Variants in TRAPPC9 observed in about 807,000 individuals in gnomAD.
TRAPPC9 encodes the protein trafficking protein particle complex subunit 9.
TRAPPC9 carries 83 observed loss-of-function variants against 124.0 expected under a neutral mutation model. That is an observed-to-expected ratio of 0.67 (90% CI 0.56 to 0.80). The LOEUF is 0.80. Ranked by LOEUF, TRAPPC9 falls within the 30% of genes least tolerant of loss-of-function variation. The pLI is 0.00. For synonymous variants in TRAPPC9, 638 were observed against 617.5 expected (o/e 1.03, Z -0.49); for missense variants, 1,302 against 1,508.3 (o/e 0.86, Z 2.27).
At chr8:140,027,304 T>A (rs1452582709) in intron 17 of TRAPPC9, among the ~76,000 whole-genome samples, 1 of 152,220 alleles carries the variant, frequency 6.6e-6, no homozygotes, top group South Asian at 2.1e-4. Flanking sequence ...ATACACAGCA[T>A]CTTTCTCAAA....
chr8:140,039,695 C>G (rs1841139803), intron 17 of TRAPPC9: 1 of 152,214 alleles, frequency 6.6e-6, no homozygotes, highest in South Asian at 2.1e-4. Context: ...CTCTCCAGCC[C>G]ACTCTGCTCA....
chr8:139,769,791 A>G lies in TRAPPC9; in HGVS notation c.3056-37589T>C, dbSNP rs1025413757. ...TCACTAAATTTTAGGTAGAGCATGA[A>G]TTACTTTTATACTGATTTGTACAAA... On this transcript the variant is annotated intron_variant, in intron 21 of 22. Transcript: ENST00000438773. 5.3e-5 allele frequency among the ~76,000 whole-genome samples: 8 copies of G among 152,262 alleles called. No homozygotes were observed. In the East Asian group the frequency reaches 1.5e-3, roughly 29 times the overall value.
chr8:139,751,099 T>C (rs1819279784), intron 21 of TRAPPC9, among the ~76,000 whole-genome samples: 1 of 152,134 alleles, frequency 6.6e-6, no homozygotes, highest in Non-Finnish European at 1.5e-5. Context: ...GGCCAATCAA[T>C]ACGCCATTTA....
At chr8:140,421,984 CAAAA>C (rs35152459) in intron 5 of TRAPPC9, among the ~76,000 whole-genome samples, 9 of 43,986 alleles carry the variant, frequency 2.0e-4, no homozygotes, top group South Asian at 1.3e-3. Context: ...TCCCTCATGA[CAAAA>C]AAAAAAAAAA....
At chr8:139,757,254 G>A (rs1397210837) in intron 21 of TRAPPC9, among the ~76,000 whole-genome samples, 1 of 142,612 alleles carries the variant, frequency 7.0e-6, no homozygotes, top group African/African-American at 2.7e-5. Flanking sequence ...CAGGGATGGG[G>A]TATAAGGACA....
intron 21 of TRAPPC9, among the ~76,000 whole-genome samples, chr8:139,857,644 G>A (rs535117738): frequency 1.1e-4 from 16 of 152,336 alleles, no homozygotes; most frequent in African/African-American, 3.8e-4. Context: ...TGAGAGTCAG[G>A]AGCTGAGCAT....
At position 140,323,091 on chromosome 8, in the gene TRAPPC9, T is replaced by C. The variant is rs778410232; in HGVS notation, c.1496-11717A>G. Reference sequence around the variant, plus strand: ...CGGGGGACGGGAGAGAGACTGAAAGTCGAGTTGATCAGCAGCCAGTGGTCT... The same window carrying C: ...CGGGGGACGGGAGAGAGACTGAAAGCCGAGTTGATCAGCAGCCAGTGGTCT... On this transcript the variant is annotated intron_variant, in intron 9 of 22. Transcript: ENST00000438773. Among the ~76,000 whole-genome samples the C allele has an allele frequency of 3.9e-5, 6 of 152,170 alleles. No homozygotes were observed. In the East Asian group the frequency reaches 1.2e-3, roughly 29 times the overall value.
At chr8:140,130,499 A>G (rs2061188006) in intron 17 of TRAPPC9, among the ~76,000 whole-genome samples, 1 of 152,230 alleles carries the variant, frequency 6.6e-6, no homozygotes, top group Non-Finnish European at 1.5e-5. Flanking sequence ...ATCCTCCGAA[A>G]TAACTGAATT....
chr8:140,009,279 A>G (rs534697967), intron 18 of TRAPPC9, among the ~76,000 whole-genome samples: 1 of 152,362 alleles, frequency 6.6e-6, no homozygotes, highest in Admixed American at 6.5e-5. Context: ...TTGTTATAAC[A>G]GCAGACTGAT....
At chr8:140,412,851 A>T (rs554236223) in intron 5 of TRAPPC9, among the ~76,000 whole-genome samples, 2 of 152,152 alleles carry the variant, frequency 1.3e-5, no homozygotes, top group South Asian at 4.1e-4. Context: ...AAGCGCTAAA[A>T]CATATACAAC....
intron 21 of TRAPPC9, among the ~76,000 whole-genome samples, chr8:139,801,612 G>A (rs1186715476): frequency 2.0e-5 from 3 of 152,210 alleles, no homozygotes; most frequent in African/African-American, 7.2e-5. Context: ...GCGAAAGTGG[G>A]GGGTGGGGTA....
chr8:139,992,855 T>G (rs1053547372), intron 18 of TRAPPC9, among the ~76,000 whole-genome samples: 3 of 152,052 alleles, frequency 2.0e-5, no homozygotes, highest in African/African-American at 7.3e-5. Flanking sequence ...ACTATGCAGG[T>G]ACACAGAAAA....
intron 17 of TRAPPC9, among the ~76,000 whole-genome samples, chr8:140,125,732 T>C (rs1050426615): frequency 1.3e-5 from 2 of 151,778 alleles, no homozygotes; most frequent in East Asian, 2.0e-4. Context: ...GTAGCTGGGA[T>C]TACAGGTGCG....
chr8:139,817,088 G>A (rs1169335668), intron 21 of TRAPPC9, among the ~76,000 whole-genome samples: 3 of 61,018 alleles, frequency 4.9e-5, no homozygotes, highest in Non-Finnish European at 2.8e-5. Context: ...ACCAGCCACT[G>A]CTTTCTGAGC....
intron 17 of TRAPPC9, among the ~76,000 whole-genome samples, chr8:140,201,932 C>A (rs1419986217): frequency 6.6e-6 from 1 of 151,956 alleles, no homozygotes; most frequent in East Asian, 1.9e-4. Flanking sequence ...CTCTGACATA[C>A]CATCAGAGCT....
intron 17 of TRAPPC9, among the ~76,000 whole-genome samples, chr8:140,129,873 A>G (rs1405214501): frequency 6.6e-6 from 1 of 152,252 alleles, no homozygotes; most frequent in Non-Finnish European, 1.5e-5. Context: ...GCACACGCAC[A>G]TACATACATG....
intron 8 of TRAPPC9, among the ~76,000 whole-genome samples, chr8:140,364,426 A>T (rs2068048823): frequency 6.6e-6 from 1 of 152,110 alleles, no homozygotes; most frequent in African/African-American, 2.4e-5. Flanking sequence ...TTATCACTCT[A>T]CAAAGCAATA....
chr8:140,245,932 C>T (rs542247856), intron 16 of TRAPPC9, among the ~76,000 whole-genome samples: 181 of 152,248 alleles, frequency 1.2e-3, no homozygotes, highest in South Asian at 0.01. Context: ...TGATGATATC[C>T]GAATTCTATC....
chr8:140,300,991 G>A (rs1273840684), intron 10 of TRAPPC9, among the ~76,000 whole-genome samples: 3 of 152,196 alleles, frequency 2.0e-5, no homozygotes, highest in Non-Finnish European at 4.4e-5. Context: ...TGTATAAAGT[G>A]CAGGTGGGGC....
Sources: allele counts gnomAD v4.1 joint callset (sites outside exome capture counted in the v4.1 genomes callset), GRCh38; gene constraint gnomAD v4.1.1; transcripts MANE v1.5; gene names NCBI Gene and HGNC (gene_info 2026-07-23, HGNC 2026-07-21).